Variants in CASK observed in about 807,000 individuals in gnomAD.
CASK encodes calcium/calmodulin dependent serine protein kinase, also known as peripheral plasma membrane protein CASK.
In CASK, 4 loss-of-function variants were observed where a neutral mutation model predicts 82.9. That is an observed-to-expected ratio of 0.05 (90% CI 0.02 to 0.11). The LOEUF is 0.11. Ranked by LOEUF, CASK falls within the 10% of genes least tolerant of loss-of-function variation. The probability of loss-of-function intolerance (pLI) is 1.00; values close to 1 mark genes in which losing one functional copy is unlikely to be tolerated. For synonymous variants in CASK, 259 were observed against 253.5 expected (o/e 1.02, Z -0.20); for missense variants, 358 against 720.9 (o/e 0.50, Z 5.76).
At chrX:41,554,726 A>T (rs893309856) in intron 20 of CASK, among the ~76,000 whole-genome samples, 62 of 111,925 alleles carry the variant, frequency 5.5e-4, no homozygotes, top group African/African-American at 1.9e-3. Flanking sequence ...ATGCTTTAAG[A>T]TAAGGTAATT....
At chrX:41,685,181 T>G (rs1489016438) in intron 5 of CASK, among the ~76,000 whole-genome samples, 2 of 111,946 alleles carry the variant, frequency 1.8e-5, no homozygotes, top group African/African-American at 6.5e-5. Flanking sequence ...TAGAGTGAGG[T>G]TCATTTGTTT....
chrX:41,577,804 T>C (rs1418916273), intron 15 of CASK, among the ~76,000 whole-genome samples: 1 of 111,756 alleles, frequency 8.9e-6, no homozygotes, highest in Non-Finnish European at 1.9e-5. Context: ...CTCTTCCAGC[T>C]CTACTCCCAA....
At chrX:41,605,441 CA>C (rs1178495475) in intron 12 of CASK, among the ~76,000 whole-genome samples, 85 of 94,384 alleles carry the variant, frequency 9.0e-4, no homozygotes, top group Middle Eastern at 5.2e-3. Context: ...CCTGTCTCTT[CA>C]AAAAAAAAAA....
At chrX:41,921,869 CAAAAAA>C (rs11298104) in intron 1 of CASK, among the ~76,000 whole-genome samples, 2 of 39,746 alleles carry the variant, frequency 5.0e-5, no homozygotes, top group East Asian at 1.0e-3. Flanking sequence ...GCACCGCTTC[CAAAAAA>C]AAAAAAAAAA....
At chrX:41,678,979 C>G (rs2067309752) in intron 5 of CASK, among the ~76,000 whole-genome samples, 1 of 108,659 alleles carries the variant, frequency 9.2e-6, no homozygotes, top group African/African-American at 3.4e-5. Flanking sequence ...TAACTTGGGA[C>G]CAGTAACTTG....
chrX:41,837,891 G>A (rs2070957973), intron 2 of CASK, among the ~76,000 whole-genome samples: 1 of 112,217 alleles, frequency 8.9e-6, no homozygotes, highest in Non-Finnish European at 1.9e-5. Context: ...TATGGCAAAT[G>A]TATGTTTTAG....
intron 8 of CASK, among the ~76,000 whole-genome samples, chrX:41,648,429 A>G (rs984375438): frequency 9.0e-6 from 1 of 110,929 alleles, no homozygotes; most frequent in Non-Finnish European, 1.9e-5. Flanking sequence ...TTGCCTTGTA[A>G]TATTCTATTA....
chrX:41,649,090 T>C (rs1384563162), intron 8 of CASK, among the ~76,000 whole-genome samples: 3 of 111,762 alleles, frequency 2.7e-5, no homozygotes, highest in South Asian at 3.8e-4. Context: ...TCTGTGGGAT[T>C]GGTGGTGATA....
Position 41,666,211 on chromosome X carries a change from A to C in CASK, c.533-759T>G, listed in dbSNP as rs751753840. 1.2e-3 allele frequency among the ~76,000 whole-genome samples: 138 copies of C among 112,090 alleles called. 1 individual carries two copies. The highest frequency in any genetic ancestry group is 4.2e-3 in the African/African-American group (131 of 30,883). ...TCCTCTTTGACTTTCATCTTCTTTA[A>C]AGAGTTTTCTTTTGTTTCTCTATCA... On this transcript the variant is annotated intron_variant, in intron 6 of 26. Transcript: ENST00000378163.
chrX:41,546,161 G>C (rs1008225844), intron 21 of CASK, among the ~76,000 whole-genome samples: 2 of 111,366 alleles, frequency 1.8e-5, no homozygotes, highest in Non-Finnish European at 3.8e-5. Context: ...TTTTAGTAGA[G>C]ATGGGGATTT....
intron 3 of CASK, chrX:41,786,912 C>T (rs2069619040): frequency 3.2e-6 from 1 of 315,614 alleles, no homozygotes; most frequent in Non-Finnish European, 5.6e-6. Flanking sequence ...GTTTGGGGTC[C>T]TCCTATTCCT....
At chrX:41,825,660 C>T (rs1375667658) in intron 2 of CASK, among the ~76,000 whole-genome samples, 1 of 111,846 alleles carries the variant, frequency 8.9e-6, no homozygotes, top group African/African-American at 3.3e-5. Context: ...TTCAGGAGTC[C>T]TGAGCCTTGC....
intron 3 of CASK, among the ~76,000 whole-genome samples, chrX:41,757,972 G>T (rs2068928220): frequency 8.9e-6 from 1 of 112,419 alleles, no homozygotes; most frequent in Non-Finnish European, 1.9e-5. Flanking sequence ...AGTCATGTAC[G>T]CATAATCTTT....
In CASK at chrX:41,660,486, C is replaced by G; in HGVS notation, c.784G>C (p.Ala262Pro). 8.3e-7 allele frequency: 1 copy of G among 1,210,504 alleles called. No individual in the cohort carries two copies. ...LVRRMLMLDP[A>P]ERITVYEALN... is the part of the protein sequence containing the mutation. ...GCTTCATAAACAGTGATCCTTTCAG[C>G]TGGATCCAGCATCAGCATGCGACGT... is the stretch of plus-strand genomic sequence containing the variant. The change falls in exon 8 of 27, where the codon GCT (alanine) becomes CCT (proline). Residue 262 changes from alanine to proline, a missense_variant. By Grantham distance (27) the Ala-to-Pro change is conservative. Coordinates refer to ENST00000378163, the MANE Select transcript of CASK (RefSeq NM_001367721.1).
At chrX:41,666,134 A>T (rs185086689) in intron 6 of CASK, among the ~76,000 whole-genome samples, 2 of 112,097 alleles carry the variant, frequency 1.8e-5, no homozygotes, top group African/African-American at 6.5e-5. Flanking sequence ...AGAGAATGAG[A>T]GCAAATATAT....
chrX:41,910,485 T>C (rs2072544227), intron 1 of CASK, among the ~76,000 whole-genome samples: 1 of 112,047 alleles, frequency 8.9e-6, no homozygotes, highest in Admixed American at 9.4e-5. Context: ...TACACATATC[T>C]TTTTAGGACC....
intron 25 of CASK, among the ~76,000 whole-genome samples, chrX:41,528,115 C>G (rs2064740289): frequency 8.9e-6 from 1 of 112,345 alleles, no homozygotes; most frequent in Admixed American, 9.4e-5. Context: ...AACTTCACAC[C>G]TCACTTTCAA....
chrX:41,704,452 T>C (rs1038736679), intron 5 of CASK, among the ~76,000 whole-genome samples: 9 of 112,138 alleles, frequency 8.0e-5, no homozygotes, highest in East Asian at 2.8e-4. Context: ...AGTACAAATA[T>C]GTAAAACAAC....
chrX:41,613,007 T>C (rs1377192306), intron 11 of CASK, among the ~76,000 whole-genome samples: 1 of 72,766 alleles, frequency 1.4e-5, no homozygotes, highest in Admixed American at 1.6e-4. Context: ...GGGAGGGAGG[T>C]GGGGGGGTCA....
Sources: allele counts gnomAD v4.1 joint callset (sites outside exome capture counted in the v4.1 genomes callset), GRCh38; gene constraint gnomAD v4.1.1; transcripts MANE v1.5; gene names NCBI Gene and HGNC (gene_info 2026-07-23, HGNC 2026-07-21).